The following PDGFC variants were observed in gnomAD, a reference collection of about 807,000 sequenced individuals.
The protein encoded by PDGFC is platelet-derived growth factor C.
PDGFC carries 12 observed loss-of-function variants against 35.5 expected under a neutral mutation model. That is an observed-to-expected ratio of 0.34 (90% CI 0.22 to 0.55). The LOEUF (loss-of-function observed/expected upper bound fraction) is 0.55. Ranked by LOEUF, PDGFC falls within the 20% of genes least tolerant of loss-of-function variation. The pLI is 0.91. For missense variants in PDGFC, 322 were observed against 412.4 expected (o/e 0.78, Z 1.90); for synonymous variants, 159 against 148.8 (o/e 1.07, Z -0.50).
chr4:156,875,191 A>AC (rs1560852336), intron 1 of PDGFC, among the ~76,000 whole-genome samples: 1 of 152,208 alleles, frequency 6.6e-6, no homozygotes, highest in African/African-American at 2.4e-5. Context: ...CAGGAGGTAC[A>AC]CCCGCAAGTT....
chr4:156,859,098 T>C (rs1729649062), intron 1 of PDGFC, among the ~76,000 whole-genome samples: 1 of 152,114 alleles, frequency 6.6e-6, no homozygotes, highest in South Asian at 2.1e-4. Context: ...CATCAGTTTA[T>C]GCTTTTAATG....
chr4:156,957,919 G>T (rs1178490261), intron 1 of PDGFC, among the ~76,000 whole-genome samples: 1 of 151,892 alleles, frequency 6.6e-6, no homozygotes, highest in Non-Finnish European at 1.5e-5. Context: ...CAGGTTTCCA[G>T]CTGCCAAAAT....
At chr4:156,911,220 C>T (rs1045031963) in intron 1 of PDGFC, among the ~76,000 whole-genome samples, 2 of 152,048 alleles carry the variant, frequency 1.3e-5, no homozygotes. Flanking sequence ...TTTTAAAGAA[C>T]CCTAAATGTA....
intron 2 of PDGFC, among the ~76,000 whole-genome samples, chr4:156,821,898 G>T (rs1012169532): frequency 7.9e-5 from 12 of 152,088 alleles, no homozygotes; most frequent in Non-Finnish European, 2.9e-5. Context: ...TTAGTGTGGG[G>T]TATGAGAGAA....
At chr4:156,906,310 T>C (rs1180344434) in intron 1 of PDGFC, among the ~76,000 whole-genome samples, 5 of 152,248 alleles carry the variant, frequency 3.3e-5, no homozygotes, top group Middle Eastern at 3.4e-3. Flanking sequence ...ATTATATCCA[T>C]TGTTAAATAT....
intron 1 of PDGFC, among the ~76,000 whole-genome samples, chr4:156,865,002 T>C (rs1729804135): frequency 6.6e-6 from 1 of 152,138 alleles, no homozygotes; most frequent in African/African-American, 2.4e-5. Context: ...TCTAAAATTA[T>C]ATACACTCTC....
At chr4:156,844,138 C>T (rs184994264) in intron 2 of PDGFC, among the ~76,000 whole-genome samples, 7 of 152,248 alleles carry the variant, frequency 4.6e-5, no homozygotes, top group East Asian at 1.9e-4. Flanking sequence ...TAAAATTTTC[C>T]ATCACCACAG....
At chr4:156,953,690 A>G (rs1457312745) in intron 1 of PDGFC, among the ~76,000 whole-genome samples, 1 of 152,026 alleles carries the variant, frequency 6.6e-6, no homozygotes, top group Non-Finnish European at 1.5e-5. Context: ...TCTTACCAAC[A>G]GTATGTGTGT....
chr4:156,768,257 T>C (rs1281488358), intron 4 of PDGFC, among the ~76,000 whole-genome samples: 1 of 150,572 alleles, frequency 6.6e-6, no homozygotes, highest in Non-Finnish European at 1.5e-5. Context: ...ACAAAACAGT[T>C]GAAAGCTATA....
At chr4:156,933,560 T>C (rs773391450) in intron 1 of PDGFC, among the ~76,000 whole-genome samples, 2 of 152,246 alleles carry the variant, frequency 1.3e-5, no homozygotes, top group Admixed American at 6.5e-5. Context: ...GTAATTTTGC[T>C]GTTTAAAATT....
chr4:156,896,338 T>C (rs912653142), intron 1 of PDGFC, among the ~76,000 whole-genome samples: 2 of 152,188 alleles, frequency 1.3e-5, no homozygotes, highest in Non-Finnish European at 2.9e-5. Context: ...GATGCTTTCA[T>C]AAGTCCATTC....
chr4:156,853,835 T>C (rs1729509377), intron 1 of PDGFC, among the ~76,000 whole-genome samples: 2 of 152,136 alleles, frequency 1.3e-5, no homozygotes, highest in South Asian at 4.2e-4. Context: ...TGGTGGCATG[T>C]GCCTTCAGTC....
intron 1 of PDGFC, among the ~76,000 whole-genome samples, chr4:156,963,909 A>C (rs1189871964): frequency 6.6e-6 from 1 of 151,978 alleles, no homozygotes; most frequent in Non-Finnish European, 1.5e-5. Flanking sequence ...AAGTTTAAAA[A>C]GGTAAATTAA....
intron 5 of PDGFC, among the ~76,000 whole-genome samples, chr4:156,763,500 A>G (rs1410879108): frequency 6.6e-6 from 1 of 152,160 alleles, no homozygotes; most frequent in Non-Finnish European, 1.5e-5. Flanking sequence ...TATTTTATTT[A>G]TCTGACTATT....
intron 1 of PDGFC, among the ~76,000 whole-genome samples, chr4:156,901,804 G>T (rs1239977503): frequency 6.6e-6 from 1 of 151,922 alleles, no homozygotes; most frequent in Non-Finnish European, 1.5e-5. Flanking sequence ...GTAGAGACAG[G>T]GTTTTGTCAT....
intron 1 of PDGFC, among the ~76,000 whole-genome samples, chr4:156,875,974 C>T (rs1730107401): frequency 6.6e-6 from 1 of 152,070 alleles, no homozygotes; most frequent in African/African-American, 2.4e-5. Flanking sequence ...ATCAATTACT[C>T]TGAGATGGAA....
At chr4:156,891,274 C>T (rs1175820436) in intron 1 of PDGFC, among the ~76,000 whole-genome samples, 2 of 99,888 alleles carry the variant, frequency 2.0e-5, no homozygotes, top group African/African-American at 3.7e-5. Context: ...AGCGAGACTC[C>T]GTCTCAAAAA....
chr4:156,777,111 T>C (rs1193515492), intron 3 of PDGFC, among the ~76,000 whole-genome samples: 1 of 152,090 alleles, frequency 6.6e-6, no homozygotes, highest in Non-Finnish European at 1.5e-5. Flanking sequence ...TGCCCTGTGG[T>C]ACAACTGTGG....
At chr4:156,934,241 G>A (rs761589523) in intron 1 of PDGFC, among the ~76,000 whole-genome samples, 3 of 152,206 alleles carry the variant, frequency 2.0e-5, no homozygotes, top group Non-Finnish European at 2.9e-5. Flanking sequence ...AGGCTACGTA[G>A]TACAGCCTAC....
Sources: gnomAD v4.1 joint callset for allele counts (sites outside exome capture counted in the v4.1 genomes callset) on GRCh38, gnomAD v4.1.1 for gene constraint, MANE v1.5 for transcripts, NCBI Gene and HGNC (gene_info 2026-07-23, HGNC 2026-07-21) for gene names.